TLK1: variants seen among roughly 807,000 people sequenced by gnomAD.
The protein encoded by TLK1 is tousled like kinase 1.
A neutral mutation model predicts 105.3 loss-of-function variants in TLK1; 24 were observed. The ratio of observed to expected loss-of-function variants is 0.23; its 90% CI spans 0.17 to 0.32. The LOEUF (loss-of-function observed/expected upper bound fraction) is 0.32, where lower values mean the gene tolerates loss of function less well. TLK1 is among the 10% of genes least tolerant of loss of function. The probability of loss-of-function intolerance (pLI) is 1.00; values close to 1 mark genes in which losing one functional copy is unlikely to be tolerated. For missense variants in TLK1, 558 were observed against 910.5 expected, an observed-to-expected ratio of 0.61 and a Z score of 4.98; for synonymous variants, 321 against 310.4, an observed-to-expected ratio of 1.03 and a Z score of -0.36.
At chr2:171,074,725 G>A (rs950131642) in intron 3 of TLK1, among the ~76,000 whole-genome samples, 11 of 151,702 alleles carry the variant, frequency 7.3e-5, no homozygotes, top group African/African-American at 2.2e-4. Context: ...CATACTAGCA[G>A]GAAGATAAAT....
chr2:171,064,379 T>C (rs1473396543), intron 3 of TLK1, among the ~76,000 whole-genome samples: 3 of 152,082 alleles, frequency 2.0e-5, no homozygotes, highest in African/African-American at 7.2e-5. Flanking sequence ...TTTGAAAAAA[T>C]AGTTCGACAG....
At chr2:171,194,531 C>G (rs1042237505) in intron 1 of TLK1, among the ~76,000 whole-genome samples, 14 of 152,068 alleles carry the variant, frequency 9.2e-5, no homozygotes, top group Non-Finnish European at 1.6e-4. Flanking sequence ...GTAAAAGCCA[C>G]TGTGGGCTGG....
chr2:171,048,564 A>C (rs896779643), intron 10 of TLK1, among the ~76,000 whole-genome samples: 1 of 152,254 alleles, frequency 6.6e-6, no homozygotes, highest in African/African-American at 2.4e-5. Context: ...ATCACTGTAG[A>C]TATCATTCCG....
intron 3 of TLK1, among the ~76,000 whole-genome samples, chr2:171,074,824 G>A (rs1688429145): frequency 6.6e-6 from 1 of 151,936 alleles, no homozygotes; most frequent in Admixed American, 6.6e-5. Context: ...CAGCAAGATA[G>A]AATATGTCTT....
At position 171,202,222 on chromosome 2, in the gene TLK1, G is replaced by A. The variant is rs113913255; in HGVS notation, c.-6+28923C>T. 7.4e-3 allele frequency among the ~76,000 whole-genome samples: 1,128 copies of A among 152,288 alleles called. 11 individuals are homozygous for A. Among genetic ancestry groups the A allele is most frequent in the African/African-American group, 0.026 (1,064 of 41,558 alleles). ...TGTAATCCCAGCACTTTGGGAGGCC[G>A]AGGAGGGCGGATCACCTGAGGTCAG... On this transcript the variant is annotated intron_variant, in intron 1 of 20. Transcript: ENST00000521943.
At chr2:171,014,993 G>T in intron 12 of TLK1, 45 bp from the exon 13 acceptor site, 1 of 1,411,566 alleles carries the variant, frequency 7.1e-7, no homozygotes. Context: ...ATTTATTTGC[G>T]ATATAAAAAA....
At chr2:171,001,336 G>A (rs1352077618) in intron 18 of TLK1, among the ~76,000 whole-genome samples, 2 of 152,098 alleles carry the variant, frequency 1.3e-5, no homozygotes, top group Non-Finnish European at 2.9e-5. Flanking sequence ...GTTGTGTTTG[G>A]GGACTCATGG....
chr2:171,181,699 T>C (rs1692931363), intron 1 of TLK1, among the ~76,000 whole-genome samples: 1 of 152,186 alleles, frequency 6.6e-6, no homozygotes, highest in Non-Finnish European at 1.5e-5. Flanking sequence ...AGGGACCTAA[T>C]AGAGCAATAA....
In TLK1 at chr2:170,990,866, AAAC is replaced by A. The variant is rs1318862336; in HGVS notation, c.*2911_*2913del. The A allele has an allele frequency of 1.5e-5, 2 of 135,642 alleles. No homozygotes were observed. Among genetic ancestry groups the A allele is most frequent in the African/African-American group, 2.8e-5 (1 of 36,282 alleles). 8.4% of individuals were successfully genotyped at this position (135,642 alleles called of 1,614,324 possible). Reference sequence around the variant, plus strand: ...ATTTAATAAGTAATGATGAACAGCAAAACAACACACAATATACTCTTTAAATGT... The same window carrying A: ...ATTTAATAAGTAATGATGAACAGCAAAACACACAATATACTCTTTAAATGT... On this transcript the variant is annotated 3_prime_UTR_variant, in exon 21 of 21. Transcript: ENST00000431350.
intron 1 of TLK1, among the ~76,000 whole-genome samples, chr2:171,149,427 C>T (rs1032745021): frequency 2.6e-5 from 4 of 151,890 alleles, no homozygotes; most frequent in Admixed American, 6.6e-5. Context: ...GTGGCAAAAC[C>T]CTTGAAACTA....
At chr2:171,227,831 TA>T (rs1693930480) in intron 1 of TLK1, among the ~76,000 whole-genome samples, 1 of 151,696 alleles carries the variant, frequency 6.6e-6, no homozygotes, top group African/African-American at 2.4e-5. Context: ...TACCCTGGAG[TA>T]TATTAGACAC....
chr2:170,998,037 T>C (rs1224386140), intron 18 of TLK1, among the ~76,000 whole-genome samples: 1 of 145,120 alleles, frequency 6.9e-6, no homozygotes, highest in Non-Finnish European at 1.5e-5. Flanking sequence ...AGTTCATCTC[T>C]ATCTATCTTT....
At chr2:171,010,992 C>T (rs1288600837) in intron 14 of TLK1, among the ~76,000 whole-genome samples, 1 of 152,130 alleles carries the variant, frequency 6.6e-6, no homozygotes, top group East Asian at 1.9e-4. Context: ...AATCAATAAA[C>T]AAAAGACAAG....
At chr2:171,006,069 A>G in intron 18 of TLK1, 78 bp downstream of exon 18, 1 of 780,472 alleles carries the variant, frequency 1.3e-6, no homozygotes, top group Admixed American at 4.2e-5. Flanking sequence ...ACATGGAAAT[A>G]AAAAAAAAAA....
At position 171,006,902 on chromosome 2, in the gene TLK1, A is replaced by G; in HGVS notation, c.1509-13T>C. 3 of 1,610,900 alleles carry G rather than the reference A, an allele frequency of 1.9e-6. No individual in the cohort carries two copies. Among genetic ancestry groups the G allele is most frequent in the Non-Finnish European group, 2.5e-6 (3 of 1,177,954 alleles). ...TCTGCAGGCATGTCTATGAGAAGAC[A>G]GTGTATTAATTCTCCATGATCATTC... is the stretch of plus-strand genomic sequence containing the variant. On this transcript the variant is annotated splice_polypyrimidine_tract_variant and intron_variant, in intron 15 of 20. Coordinates refer to ENST00000431350, the MANE Select transcript of TLK1 (RefSeq NM_012290.5).
chr2:171,168,213 ATTAC>A (rs974434833), intron 1 of TLK1, among the ~76,000 whole-genome samples: 6 of 152,140 alleles, frequency 3.9e-5, no homozygotes, highest in African/African-American at 1.4e-4. Flanking sequence ...GATTTTCAGA[ATTAC>A]TTAATGCATT....
intron 1 of TLK1, among the ~76,000 whole-genome samples, chr2:171,173,056 T>C (rs1692758814): frequency 6.6e-6 from 1 of 152,234 alleles, no homozygotes; most frequent in African/African-American, 2.4e-5. Flanking sequence ...TGAATAAAAA[T>C]GTTTATCACA....
Position 171,141,874 on chromosome 2 carries a change from C to T in TLK1, c.139+18416G>A, listed in dbSNP as rs1161864339. On this transcript the variant is annotated intron_variant, in intron 1 of 20. Coordinates refer to ENST00000431350, the MANE Select transcript of TLK1 (RefSeq NM_012290.5). ...ACCCAGCTAGAAGCCTGGAAATGCA[C>T]TAAAGATTGAAGAAAAAAACTGAGT... 2.0e-5 allele frequency among the ~76,000 whole-genome samples: 3 copies of T among 151,812 alleles called. No homozygotes were observed. The East Asian group carries it at 5.8e-4, about 29-fold the overall frequency.
At chr2:171,228,280 C>G (rs764332495) in intron 1 of TLK1, among the ~76,000 whole-genome samples, 2 of 152,178 alleles carry the variant, frequency 1.3e-5, no homozygotes, top group Non-Finnish European at 2.9e-5. Flanking sequence ...ATATTCACAA[C>G]CTGTTAGGCA....
Sources: gnomAD v4.1 joint callset for allele counts (sites outside exome capture counted in the v4.1 genomes callset) on GRCh38, gnomAD v4.1.1 for gene constraint, MANE v1.5 for transcripts, NCBI Gene and HGNC (gene_info 2026-07-23, HGNC 2026-07-21) for gene names.